The following DENND1A variants were observed in gnomAD, a reference collection of about 807,000 sequenced individuals.
DENND1A encodes the protein DENN domain containing 1A.
DENND1A carries 51 observed loss-of-function variants against 113.7 expected under a neutral mutation model. The ratio of observed to expected loss-of-function variants is 0.45; its 90% confidence interval spans 0.36 to 0.57. The LOEUF (loss-of-function observed/expected upper bound fraction) is 0.57. Ranked by LOEUF, DENND1A falls within the 20% of genes least tolerant of loss-of-function variation. The pLI is 0.00. For missense variants in DENND1A, 1,258 were observed against 1,395.9 expected, an observed-to-expected ratio of 0.90 and a Z score of 1.57; for synonymous variants, 565 against 570.8, an observed-to-expected ratio of 0.99 and a Z score of 0.14.
chr9:123,833,741 T>C (rs1590281944), intron 2 of DENND1A, among the ~76,000 whole-genome samples: 1 of 131,630 alleles, frequency 7.6e-6, no homozygotes, highest in Admixed American at 7.0e-5. Flanking sequence ...ATCTTTTGTA[T>C]TGATAACTCA....
At chr9:123,791,393 C>T (rs1161412078) in intron 3 of DENND1A, among the ~76,000 whole-genome samples, 1 of 152,054 alleles carries the variant, frequency 6.6e-6, no homozygotes. Flanking sequence ...AAATTTAACT[C>T]TCCTAGTAGA....
At chr9:123,578,451 C>T (rs1320858092) in intron 12 of DENND1A, among the ~76,000 whole-genome samples, 2 of 152,226 alleles carry the variant, frequency 1.3e-5, no homozygotes, top group African/African-American at 2.4e-5. Flanking sequence ...GCAATCACAG[C>T]TCACTGCAAA....
At chr9:123,695,085 G>T (rs187859111) in intron 5 of DENND1A, among the ~76,000 whole-genome samples, 13 of 152,190 alleles carry the variant, frequency 8.5e-5, no homozygotes, top group African/African-American at 3.1e-4. Context: ...TTGTTTCCTG[G>T]CCTCAAACGT....
intron 4 of DENND1A, among the ~76,000 whole-genome samples, chr9:123,769,141 A>G (rs1186623774): frequency 2.0e-5 from 3 of 152,192 alleles, no homozygotes; most frequent in South Asian, 2.1e-4. Context: ...CAAAGTCTAT[A>G]TAATACAAAA....
intron 13 of DENND1A, among the ~76,000 whole-genome samples, chr9:123,471,453 T>A (rs1052436462): frequency 6.6e-6 from 1 of 152,174 alleles, no homozygotes; most frequent in African/African-American, 2.4e-5. Context: ...CCAAAGCAGA[T>A]GGCAAGTGAT....
rs1345149106 is a variant in DENND1A at position 123,381,975 on chromosome 9, T to A, written c.2670A>T (p.Pro890=). Residue 890 remains proline, a synonymous_variant, in exon 24 of 24, where the codon CCA becomes CCT. Transcript: ENST00000394215. This position sits in a 1 kb window ranked among gnomAD's most constrained non-coding sequence, Gnocchi z 4.7. ...TGGATGGGACAAAGGGGTTGAGTGG[T>A]GGCTGTGGGAATGGGGTGGGTGTCC... ...PAGTPTPFPQ[P]PLNPFVPSMP... 16 of 1,236,982 alleles carry A rather than the reference T, an allele frequency of 1.3e-5. No individual in the cohort carries two copies. Among genetic ancestry groups the A allele is most frequent in the Non-Finnish European group, 1.6e-5 (16 of 978,454 alleles). 76.6% of individuals were successfully genotyped at this position (1,236,982 alleles called of 1,614,324 possible).
At chr9:123,894,852 A>G (rs1850472629) in intron 1 of DENND1A, among the ~76,000 whole-genome samples, 1 of 152,234 alleles carries the variant, frequency 6.6e-6, no homozygotes, top group Non-Finnish European at 1.5e-5. Flanking sequence ...GAGCTACAGC[A>G]TTCAAGAGAA....
chr9:123,807,529 C>T (rs1835800989), intron 2 of DENND1A, among the ~76,000 whole-genome samples: 1 of 152,186 alleles, frequency 6.6e-6, no homozygotes, highest in Non-Finnish European at 1.5e-5. Context: ...TAAAATAAGC[C>T]ACTCCAATGA....
chr9:123,707,280 G>A (rs1017567488), intron 5 of DENND1A, among the ~76,000 whole-genome samples: 24 of 152,054 alleles, frequency 1.6e-4, no homozygotes, highest in African/African-American at 5.6e-4. Flanking sequence ...TGTAATCCCA[G>A]CTACTCGCGA....
At position 123,516,884 on chromosome 9, in the gene DENND1A, CAAAAAAAAAAAAAAAAAAA is replaced by C. The variant is rs546001517; in HGVS notation, c.993+40667_993+40685del. 1.9e-4 allele frequency among the ~76,000 whole-genome samples: 18 copies of C among 93,416 alleles called. 1 individual carries two copies. The highest frequency in any genetic ancestry group is 3.6e-4 in the South Asian group (1 of 2,774). 61.3% of individuals were successfully genotyped at this position (93,416 alleles called of 152,430 possible). On this transcript the variant is annotated intron_variant, in intron 13 of 23. Coordinates refer to ENST00000394215, the MANE Select transcript of DENND1A (RefSeq NM_001352964.2). ...CTGGTGACAGAGTGAGACTCTGTCT[CAAAAAAAAAAAAAAAAAAA>C]AAAAAAAAAAAAAAAAGAACGGACA...
chr9:123,492,984 T>A (rs2051516277), intron 13 of DENND1A: 1 of 152,248 alleles, frequency 6.6e-6, no homozygotes, highest in African/African-American at 2.4e-5. Context: ...TGGGGAATAA[T>A]GACACATGGT....
intron 5 of DENND1A, among the ~76,000 whole-genome samples, chr9:123,685,633 A>G (rs565168430): frequency 6.6e-6 from 1 of 152,304 alleles, no homozygotes; most frequent in East Asian, 1.9e-4. Flanking sequence ...TGAGAGTATT[A>G]CTTTGATTGA....
At chr9:123,637,919 A>G (rs934376709) in intron 9 of DENND1A, among the ~76,000 whole-genome samples, 1 of 104,750 alleles carries the variant, frequency 9.5e-6, no homozygotes, top group South Asian at 3.5e-4. Context: ...AAACACACAC[A>G]CACACACACA....
At chr9:123,656,520 A>C (rs2065143072) in intron 8 of DENND1A, among the ~76,000 whole-genome samples, 1 of 152,170 alleles carries the variant, frequency 6.6e-6, no homozygotes, top group South Asian at 2.1e-4. Flanking sequence ...CTTGACGATG[A>C]ATTAGACTTG....
intron 13 of DENND1A, among the ~76,000 whole-genome samples, chr9:123,472,722 G>A (rs2049536177): frequency 6.6e-6 from 1 of 152,060 alleles, no homozygotes; most frequent in South Asian, 2.1e-4. Flanking sequence ...ATGGAGTTGG[G>A]GAGAAGCCCC....
At chr9:123,751,356 A>G (rs74738829) in intron 5 of DENND1A, 142 of 152,352 alleles carry the variant, frequency 9.3e-4, no homozygotes, top group Admixed American at 3.1e-3. Flanking sequence ...CCATATGCCA[A>G]CTAGCATGGA....
chr9:123,716,289 T>C (rs7034451), intron 5 of DENND1A, among the ~76,000 whole-genome samples: 31,297 of 152,156 alleles, frequency 0.21, 3,474 homozygotes, highest in African/African-American at 0.29. Context: ...GACCCATGCA[T>C]AACACTTACC....
intron 4 of DENND1A, 110 bp from the exon 5 acceptor site, chr9:123,757,932 C>T: frequency 6.0e-6 from 6 of 996,794 alleles, no homozygotes; most frequent in Non-Finnish European, 8.2e-6. Context: ...CTCAGTGGAA[C>T]TCTTAAAATT....
At chr9:123,695,224 G>C (rs897699174) in intron 5 of DENND1A, among the ~76,000 whole-genome samples, 2 of 150,836 alleles carry the variant, frequency 1.3e-5, no homozygotes, top group African/African-American at 4.9e-5. Flanking sequence ...ATATATATAT[G>C]GAGAAACAAA....
Sources: allele counts gnomAD v4.1 joint callset (sites outside exome capture counted in the v4.1 genomes callset), GRCh38; gene constraint gnomAD v4.1.1; non-coding constraint Gnocchi (gnomAD v3.1); transcripts MANE v1.5; gene names NCBI Gene and HGNC (gene_info 2026-07-23, HGNC 2026-07-21).